Variants in SEC24D observed in about 807,000 individuals in gnomAD.
The protein encoded by SEC24D is protein transport protein Sec24D.
SEC24D carries 69 observed loss-of-function variants against 116.9 expected under a neutral mutation model. The observed-to-expected ratio is 0.59, with a 90% CI of 0.49 to 0.72. SEC24D has a LOEUF of 0.72. SEC24D is among the 30% of genes least tolerant of loss of function. The pLI, the probability that SEC24D is intolerant of heterozygous loss-of-function variation, is 0.00. For synonymous variants in SEC24D, 405 were observed against 442.8 expected (o/e 0.91, Z 1.07); for missense variants, 1,131 against 1,264.1 (o/e 0.89, Z 1.60).
rs756560047 is a variant in SEC24D at position 118,817,407 on chromosome 4, G to A, written c.254C>T (p.Pro85Leu). Residue 85 changes from proline (P) to leucine (L), a missense_variant, in exon 4 of 23, where the codon CCA becomes CTA. Coordinates refer to ENST00000280551, the MANE Select transcript of SEC24D (RefSeq NM_014822.4). ...CACATTGTTGACAGGTGGAGGGCCTGGAAATCTGAGAGAGGAAAACAGGAT... is the reference window on the plus strand; with the variant it reads ...CACATTGTTGACAGGTGGAGGGCCTAGAAATCTGAGAGAGGAAAACAGGAT... Reference protein sequence around the residue: ...HATGHPPQRFPGPPPVNNVAS... With the variant: ...HATGHPPQRFLGPPPVNNVAS... 44 of 1,603,666 alleles carry A rather than the reference G, an allele frequency of 2.7e-5. No homozygotes were observed. The highest frequency in any genetic ancestry group is 3.7e-5 in the Non-Finnish European group (43 of 1,176,296).
intron 15 of SEC24D, among the ~76,000 whole-genome samples, chr4:118,743,354 TATACAC>T (rs768553692): frequency 8.6e-6 from 1 of 115,666 alleles, no homozygotes; most frequent in African/African-American, 2.5e-5. Context: ...TATATATATA[TATACAC>T]ACACACACAC....
intron 19 of SEC24D, among the ~76,000 whole-genome samples, chr4:118,734,147 T>A (rs568338509): frequency 1.3e-5 from 2 of 149,776 alleles, no homozygotes; most frequent in Non-Finnish European, 3.0e-5. Context: ...TACGAGATAA[T>A]AACTTGCAAA....
At chr4:118,749,356 T>G (rs1331074356) in intron 13 of SEC24D, among the ~76,000 whole-genome samples, 1 of 152,214 alleles carries the variant, frequency 6.6e-6, no homozygotes, top group African/African-American at 2.4e-5. Context: ...AATTTTTGGT[T>G]AGTTTTTGTC....
At chr4:118,788,075 T>C (rs1721134297) in intron 8 of SEC24D, among the ~76,000 whole-genome samples, 1 of 152,206 alleles carries the variant, frequency 6.6e-6, no homozygotes, top group South Asian at 2.1e-4. Flanking sequence ...GACCTCAGCC[T>C]CCCAAGGAGG....
intron 18 of SEC24D, 30 bp from the exon 19 acceptor site, chr4:118,738,409 A>G (rs754090056): frequency 1.4e-6 from 2 of 1,442,668 alleles, no homozygotes; most frequent in Non-Finnish European, 2.0e-6. Flanking sequence ...AAAGGACATG[A>G]GTTTTAGCTC....
intron 15 of SEC24D, among the ~76,000 whole-genome samples, chr4:118,742,664 A>T (rs1008808803): frequency 3.9e-5 from 6 of 152,222 alleles, no homozygotes; most frequent in Non-Finnish European, 7.4e-5. Context: ...ACTAGTCTCT[A>T]TTCATAATTT....
At chr4:118,805,714 A>G in intron 7 of SEC24D, 129 bp downstream of exon 7, 1 of 557,878 alleles carries the variant, frequency 1.8e-6, no homozygotes, top group South Asian at 2.7e-5. Context: ...GGATTAACAG[A>G]GAACTGATTA....
At position 118,744,121 on chromosome 4, in the gene SEC24D, A is replaced by C. The variant is rs2110446000; in HGVS notation, c.1862T>G (p.Leu621Trp). 1 of 1,611,444 alleles carries C rather than the reference A, an allele frequency of 6.2e-7. No individual in the cohort carries two copies. The highest frequency in any genetic ancestry group is 8.5e-7 in the Non-Finnish European group (1 of 1,178,780). Reference sequence around the variant, plus strand: ...GCCGTGAGCCACGCAGTCCTTGGCCAATGAGTCATAGACATTTGTTTGGGG... The same window carrying C: ...GCCGTGAGCCACGCAGTCCTTGGCCCATGAGTCATAGACATTTGTTTGGGG... Reference protein sequence around the residue: ...FQPQTNVYDSLAKDCVAHGCS... With the variant: ...FQPQTNVYDSWAKDCVAHGCS... Residue 621 changes from leucine to tryptophan, a missense_variant, in exon 15 of 23, where the codon TTG becomes TGG. By Grantham distance (61) the Leu-to-Trp change is moderately conservative. Coordinates refer to ENST00000280551, the MANE Select transcript of SEC24D (RefSeq NM_014822.4).
intron 8 of SEC24D, among the ~76,000 whole-genome samples, chr4:118,787,122 T>C (rs1476958202): frequency 1.3e-5 from 2 of 152,224 alleles, no homozygotes; most frequent in African/African-American, 2.4e-5. Flanking sequence ...GCCAAACTTT[T>C]TCATAGTACT....
At chr4:118,757,269 G>C (rs1727144492) in intron 11 of SEC24D, among the ~76,000 whole-genome samples, 1 of 152,136 alleles carries the variant, frequency 6.6e-6, no homozygotes, top group Non-Finnish European at 1.5e-5. Context: ...AGCTGCAAAT[G>C]GGTTGGACAG....
chr4:118,829,829 T>G (rs1730766130), intron 2 of SEC24D, among the ~76,000 whole-genome samples: 1 of 151,550 alleles, frequency 6.6e-6, no homozygotes, highest in African/African-American at 2.4e-5. Context: ...AAAAAAGTGT[T>G]AGTATACAGC....
intron 6 of SEC24D, among the ~76,000 whole-genome samples, chr4:118,812,927 G>A (rs540659854): frequency 2.6e-5 from 4 of 152,156 alleles, no homozygotes; most frequent in East Asian, 1.9e-4. Flanking sequence ...CATGGGAGTC[G>A]GAGCCCCACA....
chr4:118,816,880 A>G, intron 4 of SEC24D: 1 of 451,560 alleles, frequency 2.2e-6, no homozygotes, highest in South Asian at 1.6e-5. Context: ...GCACTGTGAA[A>G]CAATGAGTAC....
intron 8 of SEC24D, among the ~76,000 whole-genome samples, chr4:118,774,172 C>T (rs543846764): frequency 5.9e-4 from 90 of 151,970 alleles, no homozygotes; most frequent in African/African-American, 2.1e-3. Flanking sequence ...TTGTTAGTGA[C>T]ACTTGGGAGA....
Position 118,824,733 on chromosome 4 carries a change from T to G in SEC24D, c.135A>C (p.Ala45=), listed in dbSNP as rs764256233. The change falls in exon 3 of 23, where the codon GCA becomes GCC. Residue 45 remains alanine, a synonymous_variant. Coordinates refer to ENST00000280551, the MANE Select transcript of SEC24D (RefSeq NM_014822.4). ...TASPTGMMKP[A]GPLGATATRG... is the part of the protein sequence containing the mutation. ...TAGTGGCGGTGGCCCCCAAAGGCCC[T>G]GCTGGCTTCATCATACCTGCAAGAG... 3 of 1,599,332 alleles carry G rather than the reference T, an allele frequency of 1.9e-6. No homozygotes were observed. The highest frequency in any genetic ancestry group is 2.6e-6 in the Non-Finnish European group (3 of 1,174,918).
At chr4:118,739,699 T>C (rs1354379264) in intron 17 of SEC24D, among the ~76,000 whole-genome samples, 1 of 152,228 alleles carries the variant, frequency 6.6e-6, no homozygotes, top group Non-Finnish European at 1.5e-5. Context: ...ACTTAGGTCT[T>C]ATGCTGATGA....
At chr4:118,808,095 G>A (rs556519996) in intron 6 of SEC24D, among the ~76,000 whole-genome samples, 1 of 152,170 alleles carries the variant, frequency 6.6e-6, no homozygotes, top group Admixed American at 6.5e-5. Flanking sequence ...CAAGTAACTG[G>A]GACTACAGGT....
intron 13 of SEC24D, among the ~76,000 whole-genome samples, chr4:118,749,508 A>G (rs1195386360): frequency 1.3e-5 from 2 of 152,204 alleles, no homozygotes; most frequent in Middle Eastern, 3.2e-3. Context: ...TGAATACACG[A>G]TAAGAAAGCT....
At chr4:118,732,294 G>A (rs771725579) in intron 20 of SEC24D, among the ~76,000 whole-genome samples, 3 of 151,804 alleles carry the variant, frequency 2.0e-5, no homozygotes, top group Admixed American at 6.6e-5. Flanking sequence ...ATACCACCAC[G>A]CCCGGCTAAT....
Sources: allele counts gnomAD v4.1 joint callset (sites outside exome capture counted in the v4.1 genomes callset), GRCh38; gene constraint gnomAD v4.1.1; transcripts MANE v1.5; gene names NCBI Gene and HGNC (gene_info 2026-07-23, HGNC 2026-07-21).